Variants in SRP54 observed in about 807,000 individuals in gnomAD.
SRP54 encodes signal recognition particle 54, also known as signal recognition particle subunit SRP54.
A neutral mutation model predicts 64.8 loss-of-function variants in SRP54; 10 were observed. That is an observed-to-expected ratio of 0.15 (90% confidence interval 0.10 to 0.26). The LOEUF is 0.26. Among genes scored for constraint, SRP54 ranks in the 10% least tolerant of loss-of-function variants. The pLI is 1.00. For synonymous variants in SRP54, 193 were observed against 185.6 expected (o/e 1.04, Z -0.32); for missense variants, 325 against 613.7 (o/e 0.53, Z 4.97).
chr14:34,983,249 G>A (rs2043834851), intron 1 of SRP54, 34 bp downstream of exon 1: 2 of 152,496 alleles, frequency 1.3e-5, no homozygotes, highest in South Asian at 4.1e-4. Context: ...CCAGACTACG[G>A]AGGGGGAGCG....
rs762563491 is a variant in SRP54 at position 35,000,925 on chromosome 14, C to T, written c.171-11C>T. 2 of 1,532,262 alleles carry T rather than the reference C, an allele frequency of 1.3e-6. No individual in the cohort carries two copies. Among genetic ancestry groups the T allele is most frequent in the Admixed American group, 2.1e-5 (1 of 46,992 alleles). 94.9% of individuals were successfully genotyped at this position (1,532,262 alleles called of 1,614,324 possible). ...TCCTCCCCACCCCAATCACCAACCA[C>T]CATCATAAAGGTCTGCTATTGATCT... On this transcript the variant is annotated splice_polypyrimidine_tract_variant and intron_variant, in intron 3 of 15. Transcript: ENST00000216774.
intron 4 of SRP54, among the ~76,000 whole-genome samples, chr14:35,004,891 T>G (rs1437028965): frequency 3.3e-5 from 5 of 152,246 alleles, no homozygotes; most frequent in Non-Finnish European, 7.3e-5. Flanking sequence ...TCCTCTCTTC[T>G]CTACCTCATG....
intron 13 of SRP54, among the ~76,000 whole-genome samples, chr14:35,022,596 C>T (rs2139023428): frequency 6.6e-6 from 1 of 152,238 alleles, no homozygotes; most frequent in Non-Finnish European, 1.5e-5. Context: ...ACCTCATGAG[C>T]TGCCTGCCTC....
chr14:34,999,870 T>C (rs2044142364), intron 3 of SRP54: 1 of 334,058 alleles, frequency 3.0e-6, no homozygotes, highest in Non-Finnish European at 5.5e-6. Flanking sequence ...TAATTACATA[T>C]TTTTTTCTAT....
intron 13 of SRP54, 159 bp downstream of exon 13, chr14:35,019,233 A>G (rs1309437505): frequency 3.6e-6 from 2 of 563,324 alleles, no homozygotes; most frequent in Admixed American, 6.1e-5. Context: ...TCAAAGGGTT[A>G]TGATTATTGG....
intron 8 of SRP54, among the ~76,000 whole-genome samples, 191 bp downstream of exon 8, chr14:35,011,850 T>C (rs564328999): frequency 6.6e-6 from 1 of 152,354 alleles, no homozygotes; most frequent in Admixed American, 6.5e-5. Flanking sequence ...CCATTAAATA[T>C]AAAATTTTCA....
At chr14:35,007,621 T>A (rs1206362888) in intron 5 of SRP54, among the ~76,000 whole-genome samples, 3 of 122,692 alleles carry the variant, frequency 2.4e-5, no homozygotes, top group South Asian at 5.5e-4. Flanking sequence ...AAATATATTT[T>A]ATTAAAATAT....
At chr14:35,002,467 C>G (rs921668684) in intron 4 of SRP54, among the ~76,000 whole-genome samples, 2 of 150,346 alleles carry the variant, frequency 1.3e-5, no homozygotes, top group Non-Finnish European at 3.0e-5. Flanking sequence ...GACTCTCCCT[C>G]TGTCACTCAG....
At chr14:34,984,441 C>G (rs1273831727) in intron 1 of SRP54, among the ~76,000 whole-genome samples, 4 of 152,150 alleles carry the variant, frequency 2.6e-5, no homozygotes, top group South Asian at 4.1e-4. Flanking sequence ...CGAGGCTTCT[C>G]GCTTGCTTCC....
chr14:35,013,964 A>G, intron 10 of SRP54, 62 bp downstream of exon 10: 1 of 1,202,236 alleles, frequency 8.3e-7, no homozygotes, highest in Non-Finnish European at 1.2e-6. Context: ...TTTAGGACAA[A>G]ATAGGATTTT....
chr14:34,992,894 A>T (rs2044003615), intron 1 of SRP54, among the ~76,000 whole-genome samples: 1 of 151,796 alleles, frequency 6.6e-6, no homozygotes, highest in African/African-American at 2.4e-5. Flanking sequence ...TTGGAGATGG[A>T]GTCTCACTCC....
At chr14:34,987,522 A>C (rs1203497181) in intron 1 of SRP54, among the ~76,000 whole-genome samples, 1 of 152,018 alleles carries the variant, frequency 6.6e-6, no homozygotes, top group African/African-American at 2.4e-5. Context: ...TGAACAATTC[A>C]TGTGGAACCA....
chr14:34,992,601 A>T (rs1349765603), intron 1 of SRP54, among the ~76,000 whole-genome samples: 1 of 152,130 alleles, frequency 6.6e-6, no homozygotes, highest in Non-Finnish European at 1.5e-5. Context: ...GTACCCATGG[A>T]CATAAAGACG....
chr14:35,026,304 T>C (rs1358433748), intron 14 of SRP54, among the ~76,000 whole-genome samples: 1 of 152,030 alleles, frequency 6.6e-6, no homozygotes, highest in Non-Finnish European at 1.5e-5. Flanking sequence ...CATGGCTCAC[T>C]GCAGCCTTGA....
intron 1 of SRP54, among the ~76,000 whole-genome samples, chr14:34,995,590 C>G (rs746127671): frequency 6.6e-6 from 1 of 152,114 alleles, no homozygotes; most frequent in Non-Finnish European, 1.5e-5. Context: ...TAAGCCCTTG[C>G]ATCCTTACAA....
rs747241972 is a variant in SRP54 at position 35,011,489 on chromosome 14, C to A, written c.486-20C>A. 7.1e-7 allele frequency: 1 copy of A among 1,400,908 alleles called. No homozygotes were observed. Among genetic ancestry groups the A allele is most frequent in the East Asian group, 2.5e-5 (1 of 39,832 alleles). 86.8% of individuals were successfully genotyped at this position (1,400,908 alleles called of 1,614,324 possible). On this transcript the variant is annotated intron_variant, in intron 7 of 15. Coordinates refer to ENST00000216774, the MANE Select transcript of SRP54 (RefSeq NM_003136.4). ...TGGAAGTTTTGTCGTTTTGTTAAAT[C>A]ATTTGTCCATGTTATATAGCTATAC...
intron 2 of SRP54, among the ~76,000 whole-genome samples, chr14:34,998,554 G>A (rs778512546): frequency 1.1e-4 from 17 of 152,128 alleles, no homozygotes; most frequent in Non-Finnish European, 7.4e-5. Flanking sequence ...GCTCACACCT[G>A]TAATCCCAGC....
rs1469477813 is a variant in SRP54, at chr14:35,029,130, T to A, written c.1493T>A (p.Met498Lys). The change falls in exon 16 of 16, where the codon ATG (methionine) becomes AAG (lysine). Residue 498 changes from methionine to lysine, a missense_variant. By Grantham distance (95) the Met-to-Lys change is moderately conservative. Around this residue, in one of 3 missense-constraint regions of SRP54, gnomAD observed 23 missense variants for 21.7 expected, o/e 1.06. Transcript: ENST00000216774. ...QQGAAGNMKG[M>K]MGFNNM is the part of the protein sequence containing the mutation. ...GGTGCTGCTGGCAACATGAAAGGCA[T>A]GATGGGATTCAATAATATGTAAAGA... 4 of 1,613,990 alleles carry A rather than the reference T, an allele frequency of 2.5e-6. No homozygotes were observed. In the South Asian group the frequency reaches 4.4e-5, roughly 18 times the overall value.
At chr14:34,991,162 C>T (rs1226600183) in intron 1 of SRP54, among the ~76,000 whole-genome samples, 1 of 123,734 alleles carries the variant, frequency 8.1e-6, no homozygotes, top group African/African-American at 3.0e-5. Context: ...TGGAGTTTTG[C>T]TCTTTCACCC....
Sources: allele counts gnomAD v4.1 joint callset (sites outside exome capture counted in the v4.1 genomes callset), GRCh38; gene constraint gnomAD v4.1.1; regional missense constraint gnomAD v4.1.1; transcripts MANE v1.5; gene names NCBI Gene and HGNC (gene_info 2026-07-23, HGNC 2026-07-21).